ZNF519: variants seen among roughly 807,000 people sequenced by gnomAD.
The protein encoded by ZNF519 is zinc finger protein 519, also known as similar to Zinc finger protein 85 (Zinc finger protein HPF4) (HTF1).
In ZNF519, 7 loss-of-function variants were observed where a neutral mutation model predicts 7.4. The ratio of observed to expected loss-of-function variants is 0.94; its 90% confidence interval spans 0.54 to 1.77. The LOEUF (loss-of-function observed/expected upper bound fraction) is 1.77, where lower values mean the gene tolerates loss of function less well. Among genes scored for constraint, ZNF519 ranks in the 40% most tolerant of loss-of-function variants. The probability of loss-of-function intolerance (pLI) is 0.00; values close to 1 mark genes in which losing one functional copy is unlikely to be tolerated. For synonymous variants in ZNF519, 179 were observed against 203.3 expected (o/e 0.88, Z 1.02); for missense variants, 586 against 623.1 (o/e 0.94, Z 0.63).
rs1176193175 is a variant in ZNF519, at chr18:14,100,517, A to C, written c.*4400T>G. ...TAACAAAAGGAACAAACTAAAACAT[A>C]AACCAATTTAGATGAATCTCCAAGG... On this transcript the variant is annotated 3_prime_UTR_variant, in exon 3 of 3. Transcript: ENST00000590202. 6.6e-6 allele frequency: 1 copy of C among 152,224 alleles called. No homozygotes were observed. Among genetic ancestry groups the C allele is most frequent in the Non-Finnish European group, 1.5e-5 (1 of 68,048 alleles). The allele number at this position is 152,224 out of a possible 1,614,324, so 9.4% of individuals were successfully genotyped here.
chr18:14,128,186 G>A (rs1270236871), intron 1 of ZNF519, among the ~76,000 whole-genome samples: 14 of 151,974 alleles, frequency 9.2e-5, no homozygotes, highest in South Asian at 4.2e-4. Context: ...CCAGCTACTC[G>A]GGAGGCTGAG....
At position 14,117,730 on chromosome 18, in the gene ZNF519, G is replaced by T. The variant is rs578054482; in HGVS notation, c.130+6620C>A. Among the ~76,000 whole-genome samples the T allele has an allele frequency of 3.3e-5, 5 of 152,250 alleles. No homozygotes were observed. In the South Asian group the frequency reaches 1.0e-3, roughly 32 times the overall value. On this transcript the variant is annotated intron_variant, in intron 2 of 2. Transcript: ENST00000590202. ...CCAATCACAGCAGAAAGCAAAGAGG[G>T]AGTGAGTCATCTCACATGGTGGGAG...
At chr18:14,089,809 C>G (rs1292088395) in intron 2 of ZNF519, 1 of 151,952 alleles carries the variant, frequency 6.6e-6, no homozygotes, top group Non-Finnish European at 1.5e-5. Flanking sequence ...GGAGATAGGC[C>G]TATTTTATTT....
At chr18:14,097,693 G>A (rs1055928627), downstream of ZNF519, among the ~76,000 whole-genome samples, 3 of 152,158 alleles carry the variant, frequency 2.0e-5, no homozygotes, top group African/African-American at 7.2e-5. Context: ...ATGAAGGACT[G>A]GCAAGTAAGA....
Position 14,103,977 on chromosome 18 carries a change from T to G in ZNF519, c.*940A>C. ...TCATCAAAATTACAGACTGCAAACA[T>G]TCAAAAAGCATTCTTATTCTGATAC... On this transcript the variant is annotated 3_prime_UTR_variant, in exon 3 of 3. Transcript: ENST00000590202. The G allele has an allele frequency of 6.6e-6, 1 of 152,152 alleles. No individual in the cohort carries two copies. The highest frequency in any genetic ancestry group is 1.5e-5 in the Non-Finnish European group (1 of 68,002). The allele number at this position is 152,152 out of a possible 1,614,324, so 9.4% of individuals were successfully genotyped here.
Position 14,101,717 on chromosome 18 carries a change from C to G in ZNF519, c.*3200G>C. 1 of 398,700 alleles carries G rather than the reference C, an allele frequency of 2.5e-6. No individual in the cohort carries two copies. Among genetic ancestry groups the G allele is most frequent in the Non-Finnish European group, 4.4e-6 (1 of 226,162 alleles). 24.7% of individuals were successfully genotyped at this position (398,700 alleles called of 1,614,324 possible). ...GCCATGACAGCATGGTACACCTGCC[C>G]CTCACCCAGGGAGATGAAGTGTCCA... On this transcript the variant is annotated 3_prime_UTR_variant, in exon 3 of 3. Transcript: ENST00000590202.
At chr18:14,094,095 G>T (rs1399135584) in intron 2 of ZNF519, among the ~76,000 whole-genome samples, 1 of 152,098 alleles carries the variant, frequency 6.6e-6, no homozygotes. Context: ...TCATGCTACA[G>T]GAAGTCCTCA....
Position 14,106,038 on chromosome 18 carries a change from T to C in ZNF519, c.502A>G (p.Ile168Val), listed in dbSNP as rs757940533. The C allele has an allele frequency of 1.9e-6, 3 of 1,584,628 alleles. No homozygotes were observed. The South Asian group carries it at 3.4e-5, about 18-fold the overall frequency. The change falls in exon 3 of 3, where the codon ATT (isoleucine) becomes GTT (valine). Residue 168 changes from isoleucine to valine, a missense_variant. Ile to Val is a conservative substitution (Grantham distance 29, BLOSUM62 3). Coordinates refer to ENST00000590202, the MANE Select transcript of ZNF519 (RefSeq NM_145287.4). Reference sequence around the variant, plus strand: ...AAATGAGTACTATGATGTTTACTAATATTTGAGTCATGGTTAAAATTTATC... The same window carrying C: ...AAATGAGTACTATGATGTTTACTAACATTTGAGTCATGGTTAAAATTTATC... Reference protein sequence around the residue: ...NQINFNHDSNISKHHSTHFLE... With the variant: ...NQINFNHDSNVSKHHSTHFLE...
At chr18:14,128,888 T>A (rs1598524875) in intron 1 of ZNF519, among the ~76,000 whole-genome samples, 1 of 152,350 alleles carries the variant, frequency 6.6e-6, no homozygotes, top group East Asian at 1.9e-4. Context: ...TATTTGCTCC[T>A]ACAACAGCCG....
chr18:14,132,413 C>T lies in ZNF519; in HGVS notation c.-136G>A. ...ACACAAGGCAATGAAGCCCTAACCC[C>T]GCGCTCTGGCTGAAGTGAGACAAAG... On this transcript the variant is annotated 5_prime_UTR_variant, in exon 1 of 3. Coordinates refer to ENST00000590202, the MANE Select transcript of ZNF519 (RefSeq NM_145287.4). The T allele has an allele frequency of 1.8e-6, 2 of 1,089,868 alleles. No individual in the cohort carries two copies. Among genetic ancestry groups the T allele is most frequent in the South Asian group, 1.4e-5 (1 of 70,278 alleles). The allele number at this position is 1,089,868 out of a possible 1,614,324, so 67.5% of individuals were successfully genotyped here.
chr18:14,125,301 A>C (rs572112149), intron 1 of ZNF519, among the ~76,000 whole-genome samples: 1 of 152,350 alleles, frequency 6.6e-6, no homozygotes, highest in East Asian at 1.9e-4. Flanking sequence ...CTGCAGTTGA[A>C]AAACATGTGC....
Position 14,105,653 on chromosome 18 carries a change from T to G in ZNF519, c.887A>C (p.Lys296Thr), listed in dbSNP as rs753947046. ...HTGEKPYKCKKCDKAFNKSSH... is the reference protein window; with the variant it reads ...HTGEKPYKCKTCDKAFNKSSH... Reference sequence around the variant, plus strand: ...ACTCTTGTTAAAGGCTTTGTCACATTTTTTACATTTGTAAGGTTTCTCTCC... The same window carrying G: ...ACTCTTGTTAAAGGCTTTGTCACATGTTTTACATTTGTAAGGTTTCTCTCC... Residue 296 changes from lysine (K) to threonine (T), a missense_variant, in exon 3 of 3, where the codon AAA becomes ACA. Coordinates refer to ENST00000590202, the MANE Select transcript of ZNF519 (RefSeq NM_145287.4). 39 of 1,613,354 alleles carry G rather than the reference T, an allele frequency of 2.4e-5. No homozygotes were observed. Among genetic ancestry groups the G allele is most frequent in the Non-Finnish European group, 3.2e-5 (38 of 1,179,906 alleles).
At chr18:14,109,114 T>C (rs28896903) in intron 2 of ZNF519, among the ~76,000 whole-genome samples, 10,048 of 147,192 alleles carry the variant, frequency 0.068, 643 homozygotes, top group African/African-American at 0.16. Context: ...AGAAACTCCG[T>C]CTCAAAAAAA....
Position 14,124,316 on chromosome 18 carries a change from AG to A in ZNF519, c.130+33del, listed in dbSNP as rs1567955306. 3.2e-6 allele frequency: 5 copies of A among 1,563,926 alleles called. No homozygotes were observed. In the South Asian group the frequency reaches 6.2e-5, roughly 19 times the overall value. On this transcript the variant is annotated intron_variant, in intron 2 of 2. Coordinates refer to ENST00000590202, the MANE Select transcript of ZNF519 (RefSeq NM_145287.4). Reference sequence around the variant, plus strand: ...AAGAAAGAAAATAAAACTCTGAGGGAGAATTAGGAATTATGTATTGAAGTTA... The same window carrying A: ...AAGAAAGAAAATAAAACTCTGAGGGAAATTAGGAATTATGTATTGAAGTTA...
chr18:14,118,960 GGTA>G (rs1157404579), intron 2 of ZNF519, among the ~76,000 whole-genome samples: 1 of 151,938 alleles, frequency 6.6e-6, no homozygotes, highest in East Asian at 1.9e-4. Context: ...TCATACACCT[GGTA>G]TATGGCTCAT....
chr18:14,122,181 T>G (rs951248887), intron 2 of ZNF519: 1 of 152,180 alleles, frequency 6.6e-6, no homozygotes, highest in Non-Finnish European at 1.5e-5. Flanking sequence ...TCTGCACATA[T>G]AGAGTTTAAA....
intron 2 of ZNF519, among the ~76,000 whole-genome samples, chr18:14,120,451 C>T (rs2046265124): frequency 1.3e-5 from 2 of 152,046 alleles, no homozygotes; most frequent in African/African-American, 4.8e-5. Flanking sequence ...CTGAAGAAAA[C>T]ATATTGGAAA....
At chr18:14,128,310 A>AAACAAACAAACAAACAAACAAACAAAC (rs569951991) in intron 1 of ZNF519, among the ~76,000 whole-genome samples, 33 of 151,768 alleles carry the variant, frequency 2.2e-4, no homozygotes, top group African/African-American at 7.8e-4. Flanking sequence ...ACAAACAAAC[A>AAACAAACAAACAAACAAACAAACAAAC]AACTCTCCAC....
At chr18:14,120,038 A>G (rs1279776437) in intron 2 of ZNF519, among the ~76,000 whole-genome samples, 1 of 152,234 alleles carries the variant, frequency 6.6e-6, no homozygotes, top group East Asian at 1.9e-4. Flanking sequence ...TTCAACAGTA[A>G]TAGAAAATAA....
Sources: allele counts gnomAD v4.1 joint callset (sites outside exome capture counted in the v4.1 genomes callset), GRCh38; gene constraint gnomAD v4.1.1; transcripts MANE v1.5; gene names NCBI Gene and HGNC (gene_info 2026-07-23, HGNC 2026-07-21).